C5orf47: variants seen among roughly 807,000 people sequenced by gnomAD.
C5orf47 encodes chromosome 5 open reading frame 47, also known as uncharacterized protein C5orf47.
C5orf47 carries 20 observed loss-of-function variants against 20.6 expected under a neutral mutation model. That is an observed-to-expected ratio of 0.97 (90% CI 0.68 to 1.41). The LOEUF (loss-of-function observed/expected upper bound fraction) is 1.41, where lower values mean the gene tolerates loss of function less well. C5orf47 is among the 40% of genes most tolerant of loss of function. C5orf47 has a pLI of 0.00. For synonymous variants in C5orf47, 106 were observed against 97.3 expected, an observed-to-expected ratio of 1.09 and a Z score of -0.53; for missense variants, 262 against 238.4, an observed-to-expected ratio of 1.10 and a Z score of -0.65.
intron 3 of C5orf47, among the ~76,000 whole-genome samples, chr5:174,000,639 A>G (rs947710067): frequency 6.6e-6 from 1 of 152,162 alleles, no homozygotes; most frequent in African/African-American, 2.4e-5. Flanking sequence ...TAAGATAATC[A>G]TGAAAACAGA....
chr5:174,009,475 T>A (rs763633439), downstream of C5orf47, among the ~76,000 whole-genome samples: 1 of 152,264 alleles, frequency 6.6e-6, no homozygotes, highest in Non-Finnish European at 1.5e-5. Context: ...TTTGGTGTTA[T>A]AAGTTTTTCT....
intron 1 of C5orf47, among the ~76,000 whole-genome samples, chr5:173,997,445 C>T (rs995327160): frequency 1.3e-5 from 2 of 152,152 alleles, no homozygotes; most frequent in South Asian, 2.1e-4. Flanking sequence ...TCAGGAAGCC[C>T]GTTCACTCTG....
At chr5:174,001,022 C>T (rs1392735366) in intron 3 of C5orf47, among the ~76,000 whole-genome samples, 174 bp from the exon 4 acceptor site, 1 of 152,126 alleles carries the variant, frequency 6.6e-6, no homozygotes, top group Non-Finnish European at 1.5e-5. Context: ...CTCTGGTAAA[C>T]CAGTTCATTA....
At position 173,989,429 on chromosome 5, in the gene C5orf47, G is replaced by T. The variant is rs546161581; in HGVS notation, c.166G>T (p.Glu56Ter). The stretch of plus-strand genomic sequence containing the variant: ...AGGCTGTCGCCAGGAGAAGCCGAGG[G>T]AAGCAATGGCGGTGGCGGGCGTTCA... ...GAGCRQEKPR[E>*]AMAVAGVQGG... is the part of the protein sequence containing the mutation. The change falls in exon 1 of 5, where the codon GAA (glutamate) becomes TAA (stop). Residue 56 changes from glutamate (E) to a stop codon, truncating the protein, a stop_gained. Transcript: ENST00000340147. LOFTEE classifies it high-confidence loss of function. The T allele has an allele frequency of 1.9e-6, 3 of 1,549,574 alleles. No homozygotes were observed. Among genetic ancestry groups the T allele is most frequent in the African/African-American group, 2.7e-5 (2 of 73,052 alleles).
chr5:173,991,039 C>T (rs755562525), intron 1 of C5orf47, among the ~76,000 whole-genome samples: 7 of 152,170 alleles, frequency 4.6e-5, no homozygotes, highest in African/African-American at 7.2e-5. Context: ...CCCTCCTTTA[C>T]GCATAAGCCC....
At chr5:173,992,095 C>T (rs1759007759) in intron 1 of C5orf47, among the ~76,000 whole-genome samples, 1 of 152,144 alleles carries the variant, frequency 6.6e-6, no homozygotes, top group African/African-American at 2.4e-5. Context: ...TAGATGTCTG[C>T]AAAGTAGTGT....
Position 174,005,542 on chromosome 5 carries a change from T to G in C5orf47, c.*1288T>G, listed in dbSNP as rs1194979872. 2.0e-5 allele frequency: 3 copies of G among 152,316 alleles called. No homozygotes were observed. Among genetic ancestry groups the G allele is most frequent in the Admixed American group, 6.5e-5 (1 of 15,276 alleles). The allele number at this position is 152,316 out of a possible 1,614,324, so 9.4% of individuals were successfully genotyped here. A position where few individuals can be genotyped will look rare whatever the true frequency, so the allele number is the denominator to read the frequency against. On this transcript the variant is annotated 3_prime_UTR_variant, in exon 5 of 5. Transcript: ENST00000340147. Reference sequence around the variant, plus strand: ...GCCTCGGTTTTTTTGCCATGTAGGCTCTCAAGTTTCCCTGCATTGAGGGTC... The same window carrying G: ...GCCTCGGTTTTTTTGCCATGTAGGCGCTCAAGTTTCCCTGCATTGAGGGTC...
chr5:174,008,009 GAT>G (rs1759319199), downstream of C5orf47, among the ~76,000 whole-genome samples: 1 of 152,206 alleles, frequency 6.6e-6, no homozygotes, highest in Non-Finnish European at 1.5e-5. Context: ...CTTGGTAAAA[GAT>G]GTGTGTGCTC....
intron 1 of C5orf47, among the ~76,000 whole-genome samples, chr5:173,995,816 A>G (rs1410026358): frequency 6.6e-6 from 1 of 152,196 alleles, no homozygotes; most frequent in Non-Finnish European, 1.5e-5. Context: ...GTCACTGAAG[A>G]TTTTTGAATG....
chr5:173,989,393 G>C lies in C5orf47; in HGVS notation c.130G>C (p.Gly44Arg). The C allele has an allele frequency of 6.5e-7, 1 of 1,542,364 alleles. No individual in the cohort carries two copies. Among genetic ancestry groups the C allele is most frequent in the Non-Finnish European group, 8.8e-7 (1 of 1,142,516 alleles). The change falls in exon 1 of 5, where the codon GGG becomes CGG. Residue 44 changes from glycine (G) to arginine (R), a missense_variant. Gly to Arg is a moderately radical substitution (Grantham distance 125). Transcript: ENST00000340147. ...TGGAGCTCAAGGCCTTTGGGGTCAG[G>C]GGCCTGGGGCAGGCTGTCGCCAGGA... ...GRGAQGLWGQ[G>R]PGAGCRQEKP...
At chr5:174,008,530 C>G (rs1759326140), downstream of C5orf47, among the ~76,000 whole-genome samples, 1 of 152,116 alleles carries the variant, frequency 6.6e-6, no homozygotes, top group African/African-American at 2.4e-5. Flanking sequence ...GAATTAAATG[C>G]CTTTTGAAAA....
chr5:174,008,989 T>G (rs1158623006), downstream of C5orf47, among the ~76,000 whole-genome samples: 2 of 152,124 alleles, frequency 1.3e-5, no homozygotes, highest in African/African-American at 4.8e-5. Flanking sequence ...GTACTAGCAG[T>G]AGACTATCAT....
At chr5:174,009,450 T>A (rs1398725447), downstream of C5orf47, among the ~76,000 whole-genome samples, 2 of 146,044 alleles carry the variant, frequency 1.4e-5, no homozygotes, top group African/African-American at 4.9e-5. Context: ...CTTTTCATCT[T>A]TTCTACTATA....
chr5:174,001,278 C>A, intron 4 of C5orf47, 47 bp downstream of exon 4: 2 of 1,045,476 alleles, frequency 1.9e-6, no homozygotes, highest in Non-Finnish European at 2.9e-6. Flanking sequence ...ATTTTATTCC[C>A]TTCCCTTCTG....
chr5:173,997,535 A>G (rs148063982), intron 1 of C5orf47, among the ~76,000 whole-genome samples: 2,307 of 152,288 alleles, frequency 0.015, 30 homozygotes, highest in Admixed American at 0.04. Context: ...ATTGCCCTCC[A>G]GGAGGTCAGA....
intron 1 of C5orf47, among the ~76,000 whole-genome samples, chr5:173,995,319 AGT>A (rs1561647356): frequency 6.6e-6 from 1 of 152,168 alleles, no homozygotes; most frequent in Non-Finnish European, 1.5e-5. Flanking sequence ...AGTAGATATG[AGT>A]GTTGTAAGAG....
chr5:173,991,274 A>AT (rs952555826), intron 1 of C5orf47, among the ~76,000 whole-genome samples: 3 of 151,716 alleles, frequency 2.0e-5, no homozygotes, highest in Non-Finnish European at 2.9e-5. Flanking sequence ...ATATAATTTT[A>AT]TTTTTTTTCA....
intron 3 of C5orf47, 130 bp from the exon 4 acceptor site, chr5:174,001,066 C>T: frequency 1.5e-6 from 1 of 674,922 alleles, no homozygotes; most frequent in South Asian, 1.9e-5. Context: ...CATTACAGAA[C>T]TTCTTTATAA....
At chr5:174,002,908 A>G (rs574765125) in intron 4 of C5orf47, among the ~76,000 whole-genome samples, 5 of 152,260 alleles carry the variant, frequency 3.3e-5, no homozygotes, top group Admixed American at 6.5e-5. Flanking sequence ...TGAAGAATAC[A>G]GGCCCGTCAT....
Sources: allele counts gnomAD v4.1 joint callset (sites outside exome capture counted in the v4.1 genomes callset), GRCh38; gene constraint gnomAD v4.1.1; transcripts MANE v1.5; gene names NCBI Gene and HGNC (gene_info 2026-07-23, HGNC 2026-07-21).